FAR2: variants seen among roughly 807,000 people sequenced by gnomAD.
FAR2 encodes epididymis secretory protein Li 81.
In FAR2, 19 loss-of-function variants were observed where a neutral mutation model predicts 56.0. That is an observed-to-expected ratio of 0.34 (90% CI 0.24 to 0.50). The LOEUF (loss-of-function observed/expected upper bound fraction) is 0.50. FAR2 is among the 20% of genes least tolerant of loss of function. The pLI is 0.98. For synonymous variants in FAR2, 219 were observed against 218.8 expected, an observed-to-expected ratio of 1.00 and a Z score of -0.01; for missense variants, 508 against 642.2, an observed-to-expected ratio of 0.79 and a Z score of 2.26.
chr12:29,176,489 CTT>C (rs1214018548), intron 1 of FAR2, among the ~76,000 whole-genome samples: 1 of 151,944 alleles, frequency 6.6e-6, no homozygotes, highest in African/African-American at 2.4e-5. Flanking sequence ...AGAGACAGCT[CTT>C]TCAGAAAAGG....
chr12:29,317,218 T>G (rs1470043974), intron 9 of FAR2, among the ~76,000 whole-genome samples: 1 of 152,196 alleles, frequency 6.6e-6, no homozygotes, highest in African/African-American at 2.4e-5. Flanking sequence ...ATGCCACAAG[T>G]GGAAAATTCC....
At chr12:29,317,069 A>C in intron 9 of FAR2, 57 bp downstream of exon 9, 1 of 1,525,468 alleles carries the variant, frequency 6.6e-7, no homozygotes, top group Non-Finnish European at 8.8e-7. Context: ...TTAAGGCCCC[A>C]AAATCTTTAG....
intron 1 of FAR2, among the ~76,000 whole-genome samples, chr12:29,192,183 A>T (rs1020562164): frequency 7.2e-5 from 11 of 152,376 alleles, no homozygotes; most frequent in Admixed American, 7.2e-4. Flanking sequence ...ATTAAAAAAT[A>T]AGTGAATTGC....
intron 1 of FAR2, among the ~76,000 whole-genome samples, chr12:29,180,843 T>C (rs1949985509): frequency 6.6e-6 from 1 of 152,118 alleles, no homozygotes. Flanking sequence ...AACCTCCAGA[T>C]TGCCTGAGAA....
chr12:29,163,641 G>T (rs1017657264), intron 1 of FAR2, among the ~76,000 whole-genome samples: 1 of 152,198 alleles, frequency 6.6e-6, no homozygotes, highest in African/African-American at 2.4e-5. Context: ...GAGAAATAAA[G>T]AAATCAAAAT....
intron 1 of FAR2, among the ~76,000 whole-genome samples, chr12:29,154,655 G>C (rs569445277): frequency 6.6e-6 from 1 of 152,034 alleles, no homozygotes; most frequent in Admixed American, 6.5e-5. Context: ...GGATGGTCTC[G>C]ATCTCCTGAC....
At position 29,214,775 on chromosome 12, in the gene FAR2, T is replaced by C. The variant is rs138230994; in HGVS notation, c.-38-55637T>C. ...GGTGGAAGTTGCAGTGAGCCAAGAT[T>C]GCACCATTGCATTCCAGCCTGGGCA... On this transcript the variant is annotated intron_variant, in intron 1 of 11. Transcript: ENST00000536681. Among the ~76,000 whole-genome samples, 228 of 151,826 alleles carry C rather than the reference T, an allele frequency of 1.5e-3. 1 individual carries two copies. In the South Asian group the frequency reaches 0.022, roughly 15 times the overall value.
intron 1 of FAR2, among the ~76,000 whole-genome samples, chr12:29,191,388 G>T (rs1237921408): frequency 6.6e-6 from 1 of 152,240 alleles, no homozygotes; most frequent in Non-Finnish European, 1.5e-5. Flanking sequence ...AGTGTAAGGA[G>T]AAAACTTGTA....
intron 1 of FAR2, among the ~76,000 whole-genome samples, chr12:29,196,852 T>G (rs1299523444): frequency 6.6e-6 from 1 of 152,134 alleles, no homozygotes; most frequent in Non-Finnish European, 1.5e-5. Flanking sequence ...GTATTTAAAC[T>G]ATGCATGTAA....
At chr12:29,274,492 C>T (rs1398069899) in intron 2 of FAR2, among the ~76,000 whole-genome samples, 2 of 151,888 alleles carry the variant, frequency 1.3e-5, no homozygotes, top group Non-Finnish European at 2.9e-5. Context: ...TGAATAGTGC[C>T]GCAATAAACA....
chr12:29,254,230 A>G (rs1948279138), intron 1 of FAR2, among the ~76,000 whole-genome samples: 1 of 152,258 alleles, frequency 6.6e-6, no homozygotes, highest in African/African-American at 2.4e-5. Flanking sequence ...ACAAGCCCAC[A>G]GTGAAAAGTA....
At chr12:29,194,560 C>CACACA (rs71042963) in intron 1 of FAR2, among the ~76,000 whole-genome samples, 1 of 144,980 alleles carries the variant, frequency 6.9e-6, no homozygotes, top group African/African-American at 2.5e-5. Context: ...CACACACACA[C>CACACA]CACAGGAGGG....
chr12:29,317,235 C>G (rs1014535554), intron 9 of FAR2, among the ~76,000 whole-genome samples: 1 of 152,184 alleles, frequency 6.6e-6, no homozygotes, highest in Admixed American at 6.5e-5. Context: ...TTCCACATAC[C>G]TTACCTCATG....
At chr12:29,224,440 A>G (rs1471478329) in intron 1 of FAR2, among the ~76,000 whole-genome samples, 2 of 152,254 alleles carry the variant, frequency 1.3e-5, no homozygotes, top group Non-Finnish European at 2.9e-5. Flanking sequence ...AGGGAAGAAT[A>G]TGATACTTTA....
chr12:29,314,705 G>C (rs1949417338), intron 8 of FAR2, among the ~76,000 whole-genome samples: 2 of 151,796 alleles, frequency 1.3e-5, no homozygotes, highest in African/African-American at 4.8e-5. Context: ...AGAATACTCA[G>C]GCAAAATATT....
Position 29,247,605 on chromosome 12 carries a change from A to G in FAR2, c.-38-22807A>G, listed in dbSNP as rs1948148454. Among the ~76,000 whole-genome samples, 3 of 152,290 alleles carry G rather than the reference A, an allele frequency of 2.0e-5. No individual in the cohort carries two copies. In the South Asian group the frequency reaches 6.2e-4, roughly 32 times the overall value. ...TCCACTTCATTTCCTTGGTTGAATAACACATTGAGATACGGTTGTAAGAAC... is the reference window on the plus strand; with the variant it reads ...TCCACTTCATTTCCTTGGTTGAATAGCACATTGAGATACGGTTGTAAGAAC... On this transcript the variant is annotated intron_variant, in intron 1 of 11. Transcript: ENST00000536681.
At chr12:29,267,752 A>G (rs1185505217) in intron 1 of FAR2, among the ~76,000 whole-genome samples, 1 of 152,262 alleles carries the variant, frequency 6.6e-6, no homozygotes, top group East Asian at 1.9e-4. Context: ...AGGGAGCTCA[A>G]ACAGTAACTC....
intron 1 of FAR2, among the ~76,000 whole-genome samples, chr12:29,162,397 G>A (rs1565677593): frequency 6.6e-6 from 1 of 152,188 alleles, no homozygotes; most frequent in African/African-American, 2.4e-5. Context: ...ACACATTTAA[G>A]GATCAAGTCA....
At chr12:29,239,857 G>A (rs1021585650) in intron 1 of FAR2, among the ~76,000 whole-genome samples, 3 of 152,024 alleles carry the variant, frequency 2.0e-5, no homozygotes, top group African/African-American at 4.8e-5. Context: ...TTTATTTATT[G>A]TTGCTACACA....
Sources: gnomAD v4.1 joint callset for allele counts (sites outside exome capture counted in the v4.1 genomes callset) on GRCh38, gnomAD v4.1.1 for gene constraint, MANE v1.5 for transcripts, NCBI Gene and HGNC (gene_info 2026-07-23, HGNC 2026-07-21) for gene names.